TRIR: variants seen among roughly 807,000 people sequenced by gnomAD.
TRIR encodes the protein telomerase RNA component interacting RNase.
TRIR carries 5 observed loss-of-function variants against 18.2 expected under a neutral mutation model. That is an observed-to-expected ratio of 0.27 (90% CI 0.14 to 0.58). The LOEUF (loss-of-function observed/expected upper bound fraction) is 0.58, where lower values mean the gene tolerates loss of function less well. Among genes scored for constraint, TRIR ranks in the 20% least tolerant of loss-of-function variants. TRIR has a pLI of 0.91. For synonymous variants in TRIR, 134 were observed against 114.4 expected, an observed-to-expected ratio of 1.17 and a Z score of -1.10; for missense variants, 206 against 252.8, an observed-to-expected ratio of 0.81 and a Z score of 1.25.
chr19:12,734,605 G>C lies in TRIR; in HGVS notation c.53C>G (p.Pro18Arg). The C allele has an allele frequency of 6.6e-7, 1 of 1,519,148 alleles. No homozygotes were observed. The highest frequency in any genetic ancestry group is 8.8e-7 in the Non-Finnish European group (1 of 1,139,638). 94.1% of individuals were successfully genotyped at this position (1,519,148 alleles called of 1,614,324 possible). Residue 18 changes from proline to arginine, a missense_variant, in exon 1 of 3, where the codon CCC (proline) becomes CGC (arginine). Around this residue, in one of 2 missense-constraint regions of TRIR, gnomAD observed 172 missense variants for 165.0 expected, o/e 1.04. Transcript: ENST00000242784. The surrounding 1 kb of genome is among the most constrained non-coding windows in gnomAD (Gnocchi z 4.1). ...GCTCCCGCCACCGCCACCGCCCGCGGGGCCCGGAGCCTCCCGGCCCTGAGG... is the reference window on the plus strand; with the variant it reads ...GCTCCCGCCACCGCCACCGCCCGCGCGGCCCGGAGCCTCCCGGCCCTGAGG... ...AEPQGREAPG[P>R]AGGGGGGSRW...
chr19:12,730,836 G>C lies in TRIR; in HGVS notation c.*125C>G. ...GTCCTGGAGAATCGTCCACGGCTGC[G>C]GGAAGCATCTCGGTTTCCTTCTGCT... On this transcript the variant is annotated 3_prime_UTR_variant, in exon 3 of 3. Coordinates refer to ENST00000242784, the MANE Select transcript of TRIR (RefSeq NM_024038.4). The C allele has an allele frequency of 4.7e-6, 4 of 842,462 alleles. No homozygotes were observed. The highest frequency in any genetic ancestry group is 4.5e-5 in the South Asian group (3 of 67,092). The allele number at this position is 842,462 out of a possible 1,614,324, so 52.2% of individuals were successfully genotyped here.
chr19:12,732,133 A>C (rs1967441184), intron 1 of TRIR, among the ~76,000 whole-genome samples: 1 of 151,344 alleles, frequency 6.6e-6, no homozygotes, highest in African/African-American at 2.4e-5. Flanking sequence ...TCAAAAAAAA[A>C]AAAAAAAAAA....
chr19:12,732,210 C>A (rs1339738803), intron 1 of TRIR, among the ~76,000 whole-genome samples: 2 of 151,018 alleles, frequency 1.3e-5, no homozygotes, highest in Admixed American at 6.6e-5. Context: ...GTCATGCTAA[C>A]AACAAACAAT....
rs766339455 is a variant in TRIR at position 12,731,316 on chromosome 19, G to T, written c.423+28C>A. The T allele has an allele frequency of 2.5e-6, 4 of 1,610,626 alleles. No individual in the cohort carries two copies. Among genetic ancestry groups the T allele is most frequent in the East Asian group, 4.5e-5 (2 of 44,868 alleles). ...AAGCTGGAAGGGAAAGGCAATGTGG[G>T]TGGACCCCCTGCACCAAGCTGGCTC... On this transcript the variant is annotated intron_variant, in intron 2 of 2. Transcript: ENST00000242784. The surrounding 1 kb of genome is among the most constrained non-coding windows in gnomAD (Gnocchi z 5.1).
chr19:12,730,875 A>G lies in TRIR; in HGVS notation c.*86T>C, dbSNP rs1382998445. The G allele has an allele frequency of 1.6e-6, 2 of 1,263,480 alleles. No homozygotes were observed. The highest frequency in any genetic ancestry group is 2.3e-6 in the Non-Finnish European group (2 of 867,058). The allele number at this position is 1,263,480 out of a possible 1,614,324, so 78.3% of individuals were successfully genotyped here. On this transcript the variant is annotated 3_prime_UTR_variant, in exon 3 of 3. Transcript: ENST00000242784. The stretch of plus-strand genomic sequence containing the variant: ...TTTCCTTCTGCTTTTAAGTCCTCTC[A>G]GGGAAGGCTGTCGCCGCTGCCGCTG...
chr19:12,731,471 C>A lies in TRIR; in HGVS notation c.346-50G>T. 1 of 1,564,128 alleles carries A rather than the reference C, an allele frequency of 6.4e-7. No individual in the cohort carries two copies. Among genetic ancestry groups the A allele is most frequent in the Admixed American group, 1.8e-5 (1 of 56,256 alleles). ...AACGGTTACAGGAGCCGGGACCGCC[C>A]TTGGCGGCGCTGAGGCCCACTACAC... is the stretch of plus-strand genomic sequence containing the variant. On this transcript the variant is annotated intron_variant, in intron 1 of 2. Transcript: ENST00000242784. This position sits in a 1 kb window ranked among gnomAD's most constrained non-coding sequence, Gnocchi z 5.1.
In TRIR at chr19:12,730,821, A is replaced by C; in HGVS notation, c.*140T>G. On this transcript the variant is annotated 3_prime_UTR_variant, in exon 3 of 3. Transcript: ENST00000242784. ...CAAGGTAAAAAAAGAGTCCTGGAGA[A>C]TCGTCCACGGCTGCGGGAAGCATCT... is the stretch of plus-strand genomic sequence containing the variant. 1.3e-6 allele frequency: 1 copy of C among 740,894 alleles called. No individual in the cohort carries two copies. The allele number at this position is 740,894 out of a possible 1,614,324, so 45.9% of individuals were successfully genotyped here.
chr19:12,734,277 G>A lies in TRIR; in HGVS notation c.345+36C>T, dbSNP rs867206207. The A allele has an allele frequency of 2.0e-5, 27 of 1,380,938 alleles. No homozygotes were observed. In the African/African-American group the frequency reaches 2.8e-4, roughly 14 times the overall value. The allele number at this position is 1,380,938 out of a possible 1,614,324, so 85.5% of individuals were successfully genotyped here. The stretch of plus-strand genomic sequence containing the variant: ...GCCCCGACTCCCGCTGCCAAGACAG[G>A]CCGTGGCGCCCGCCCCCACCCCCAC... On this transcript the variant is annotated intron_variant, in intron 1 of 2. Coordinates refer to ENST00000242784, the MANE Select transcript of TRIR (RefSeq NM_024038.4). This position sits in a 1 kb window ranked among gnomAD's most constrained non-coding sequence, Gnocchi z 4.1.
chr19:12,732,183 A>G (rs1227268472), intron 1 of TRIR, among the ~76,000 whole-genome samples: 1 of 151,848 alleles, frequency 6.6e-6, no homozygotes, highest in African/African-American at 2.4e-5. Flanking sequence ...ATAGATGAGG[A>G]AAGTCTTTCA....
chr19:12,734,472 G>C lies in TRIR; in HGVS notation c.186C>G (p.Asp62Glu). 6.5e-7 allele frequency: 1 copy of C among 1,534,912 alleles called. No individual in the cohort carries two copies. Among genetic ancestry groups the C allele is most frequent in the Non-Finnish European group, 8.8e-7 (1 of 1,142,664 alleles). ...GCTTGAACAGCTCCAGGAAGCTGCC[G>C]TCGTTGGCGAACAAGTTCACGCCGC... ...VSGGVNLFAN[D>E]GSFLELFKRK... Residue 62 changes from aspartate (D) to glutamate (E), a missense_variant, in exon 1 of 3, where the codon GAC becomes GAG. Physicochemically the swap from Asp to Glu is conservative, Grantham distance 45 (BLOSUM62 2). Coordinates refer to ENST00000242784, the MANE Select transcript of TRIR (RefSeq NM_024038.4). This position sits in a 1 kb window ranked among gnomAD's most constrained non-coding sequence, Gnocchi z 4.1.
At position 12,734,078 on chromosome 19, in the gene TRIR, G is replaced by A. The variant is rs574759307; in HGVS notation, c.345+235C>T. Among the ~76,000 whole-genome samples, 3 of 152,300 alleles carry A rather than the reference G, an allele frequency of 2.0e-5. No individual in the cohort carries two copies. The South Asian group carries it at 6.2e-4, about 32-fold the overall frequency. ...ACGTTTCCTCATTCTCCACAGTGCTGATTCCTAGGCAATTCCTCAGCTCCC... is the reference window on the plus strand; with the variant it reads ...ACGTTTCCTCATTCTCCACAGTGCTAATTCCTAGGCAATTCCTCAGCTCCC... On this transcript the variant is annotated intron_variant, in intron 1 of 2. Transcript: ENST00000242784. This position sits in a 1 kb window ranked among gnomAD's most constrained non-coding sequence, Gnocchi z 4.1.
In TRIR at chr19:12,731,769, G is replaced by A. The variant is rs923988771; in HGVS notation, c.346-348C>T. On this transcript the variant is annotated intron_variant, in intron 1 of 2. Transcript: ENST00000242784. This position sits in a 1 kb window ranked among gnomAD's most constrained non-coding sequence, Gnocchi z 5.1. ...TACTGTATGCCAAGCCCTGTGCCAAGTGCTGTGGATGTATCATCTCCTTTC... is the reference window on the plus strand; with the variant it reads ...TACTGTATGCCAAGCCCTGTGCCAAATGCTGTGGATGTATCATCTCCTTTC... 1.2e-5 allele frequency: 3 copies of A among 258,804 alleles called. No homozygotes were observed. The highest frequency in any genetic ancestry group is 6.7e-5 in the African/African-American group (3 of 44,446). The allele number at this position is 258,804 out of a possible 1,614,324, so 16.0% of individuals were successfully genotyped here. A position where few individuals can be genotyped will look rare whatever the true frequency, so the allele number is the denominator to read the frequency against.
rs891660843 is a variant in TRIR, at chr19:12,731,389, G to A, written c.378C>T (p.Ala126=). 6.2e-7 allele frequency: 1 copy of A among 1,613,874 alleles called. No individual in the cohort carries two copies. The highest frequency in any genetic ancestry group is 8.5e-7 in the Non-Finnish European group (1 of 1,179,884). Reference sequence around the variant, plus strand: ...TCTTGGCTACTATTCCCGTCTTGAGGGCTAGTTTGTTCCCGCCTCTGCGTT... The same window carrying A: ...TCTTGGCTACTATTCCCGTCTTGAGAGCTAGTTTGTTCCCGCCTCTGCGTT... The part of the protein sequence containing the change: ...VGKRRGGNKL[A]LKTGIVAKKQ... The change falls in exon 2 of 3, where the codon GCC becomes GCT. Residue 126 remains alanine (A), a synonymous_variant. Transcript: ENST00000242784. This position sits in a 1 kb window ranked among gnomAD's most constrained non-coding sequence, Gnocchi z 5.1.
In TRIR at chr19:12,731,477, G is replaced by A. The variant is rs774503869; in HGVS notation, c.346-56C>T. 8 of 1,547,468 alleles carry A rather than the reference G, an allele frequency of 5.2e-6. 1 individual carries two copies. Among genetic ancestry groups the A allele is most frequent in the Admixed American group, 1.8e-5 (1 of 55,476 alleles). ...TACAGGAGCCGGGACCGCCCTTGGC[G>A]GCGCTGAGGCCCACTACACCTTCCT... On this transcript the variant is annotated intron_variant, in intron 1 of 2. Transcript: ENST00000242784. The surrounding 1 kb of genome is among the most constrained non-coding windows in gnomAD (Gnocchi z 5.1).
chr19:12,733,949 A>C (rs1967482031), intron 1 of TRIR, among the ~76,000 whole-genome samples: 1 of 152,238 alleles, frequency 6.6e-6, no homozygotes, highest in African/African-American at 2.4e-5. Context: ...AGTCTAACAC[A>C]TATAGCTCAG....
Position 12,734,286 on chromosome 19 carries a change from C to T in TRIR, c.345+27G>A. 7.2e-7 allele frequency: 1 copy of T among 1,382,608 alleles called. No individual in the cohort carries two copies. The highest frequency in any genetic ancestry group is 1.6e-5 in the South Asian group (1 of 61,426). 85.6% of individuals were successfully genotyped at this position (1,382,608 alleles called of 1,614,324 possible). A position where few individuals can be genotyped will look rare whatever the true frequency, so the allele number is the denominator to read the frequency against. On this transcript the variant is annotated intron_variant, in intron 1 of 2. Coordinates refer to ENST00000242784, the MANE Select transcript of TRIR (RefSeq NM_024038.4). This position sits in a 1 kb window ranked among gnomAD's most constrained non-coding sequence, Gnocchi z 4.1. ...CCCGCTGCCAAGACAGGCCGTGGCGCCCGCCCCCACCCCCACGGCTCCTTA... is the reference window on the plus strand; with the variant it reads ...CCCGCTGCCAAGACAGGCCGTGGCGTCCGCCCCCACCCCCACGGCTCCTTA...
intron 1 of TRIR, among the ~76,000 whole-genome samples, chr19:12,732,974 G>A (rs544062062): frequency 6.6e-6 from 1 of 152,174 alleles, no homozygotes; most frequent in Admixed American, 6.6e-5. Context: ...TGCAATCATG[G>A]CTCACTGCAG....
At chr19:12,732,848 C>G (rs1967460911) in intron 1 of TRIR, among the ~76,000 whole-genome samples, 1 of 152,138 alleles carries the variant, frequency 6.6e-6, no homozygotes, top group African/African-American at 2.4e-5. Flanking sequence ...CCTCGGCCTC[C>G]CAAAGTGCTG....
At position 12,734,262 on chromosome 19, in the gene TRIR, C is replaced by T; in HGVS notation, c.345+51G>A. ...GATCCCCCTTCACGGGCCCCGACTC[C>T]CGCTGCCAAGACAGGCCGTGGCGCC... On this transcript the variant is annotated intron_variant, in intron 1 of 2. Coordinates refer to ENST00000242784, the MANE Select transcript of TRIR (RefSeq NM_024038.4). This position sits in a 1 kb window ranked among gnomAD's most constrained non-coding sequence, Gnocchi z 4.1. The T allele has an allele frequency of 7.3e-7, 1 of 1,373,196 alleles. No individual in the cohort carries two copies. Among genetic ancestry groups the T allele is most frequent in the Non-Finnish European group, 9.4e-7 (1 of 1,064,008 alleles). The allele number at this position is 1,373,196 out of a possible 1,614,324, so 85.1% of individuals were successfully genotyped here.
Sources: allele counts gnomAD v4.1 joint callset (sites outside exome capture counted in the v4.1 genomes callset), GRCh38; gene constraint gnomAD v4.1.1; regional missense constraint gnomAD v4.1.1; non-coding constraint Gnocchi (gnomAD v3.1); transcripts MANE v1.5; gene names NCBI Gene and HGNC (gene_info 2026-07-23, HGNC 2026-07-21).